Variants in CTNND2 observed in about 807,000 individuals in gnomAD.
CTNND2 encodes catenin delta 2, also known as catenin delta-2.
Under a neutral mutation model 144.4 loss-of-function variants are expected in CTNND2, and 22 were observed. The ratio of observed to expected loss-of-function variants is 0.15; its 90% confidence interval spans 0.11 to 0.22. CTNND2 has a LOEUF of 0.22. Among genes scored for constraint, CTNND2 ranks in the 10% least tolerant of loss-of-function variants. The probability of loss-of-function intolerance (pLI) is 1.00; values close to 1 mark genes in which losing one functional copy is unlikely to be tolerated. For missense variants in CTNND2, 1,353 were observed against 1,618.8 expected (o/e 0.84, Z 2.82); for synonymous variants, 751 against 695.6 (o/e 1.08, Z -1.25).
chr5:11,885,294 T>C (rs1736435448), intron 1 of CTNND2, among the ~76,000 whole-genome samples: 1 of 152,152 alleles, frequency 6.6e-6, no homozygotes, highest in African/African-American at 2.4e-5. Context: ...CCTGAACTCT[T>C]CTGTTTTGGG....
At chr5:11,466,500 T>C (rs1270740749) in intron 3 of CTNND2, among the ~76,000 whole-genome samples, 1 of 152,226 alleles carries the variant, frequency 6.6e-6, no homozygotes, top group African/African-American at 2.4e-5. Context: ...TAGACTATGA[T>C]ATATAACAGA....
chr5:11,510,254 C>G (rs951885487), intron 3 of CTNND2, among the ~76,000 whole-genome samples: 2 of 151,936 alleles, frequency 1.3e-5, no homozygotes, highest in Non-Finnish European at 2.9e-5. Context: ...TTTTTTTAAG[C>G]CCTAAATTTT....
At chr5:11,224,363 C>T (rs1162440759) in intron 10 of CTNND2, among the ~76,000 whole-genome samples, 3 of 152,184 alleles carry the variant, frequency 2.0e-5, no homozygotes, top group African/African-American at 7.2e-5. Context: ...CATATCACAT[C>T]TCTCTTGTGT....
intron 1 of CTNND2, among the ~76,000 whole-genome samples, chr5:11,771,684 CTT>C (rs1789951918): frequency 6.6e-6 from 1 of 152,144 alleles, no homozygotes; most frequent in East Asian, 1.9e-4. Context: ...ACTGTAATAA[CTT>C]TCTATTATCT....
At chr5:11,210,539 G>A (rs1482845383) in intron 10 of CTNND2, among the ~76,000 whole-genome samples, 1 of 152,154 alleles carries the variant, frequency 6.6e-6, no homozygotes. Context: ...TTAGGTGAAT[G>A]GTTACTAATC....
At chr5:11,833,555 GCT>G (rs1794020355) in intron 1 of CTNND2, among the ~76,000 whole-genome samples, 1 of 151,974 alleles carries the variant, frequency 6.6e-6, no homozygotes, top group East Asian at 1.9e-4. Flanking sequence ...ACAGAGTCTT[GCT>G]CTGTCATCTA....
chr5:11,865,308 G>C (rs1795711860), intron 1 of CTNND2, among the ~76,000 whole-genome samples: 1 of 152,144 alleles, frequency 6.6e-6, no homozygotes, highest in Non-Finnish European at 1.5e-5. Context: ...ATATTGCTTG[G>C]AAGTTCTCTT....
chr5:11,583,957 C>T (rs1179529493), intron 2 of CTNND2, among the ~76,000 whole-genome samples: 1 of 152,164 alleles, frequency 6.6e-6, no homozygotes, highest in African/African-American at 2.4e-5. Flanking sequence ...CTTTTTAATT[C>T]TTTTTCATCT....
chr5:11,141,342 G>T (rs1307940231), intron 12 of CTNND2, among the ~76,000 whole-genome samples: 1 of 151,864 alleles, frequency 6.6e-6, no homozygotes, highest in Non-Finnish European at 1.5e-5. Context: ...TAATAGAAAA[G>T]GTCAGAGTAA....
chr5:11,653,497 C>T (rs1162526351), intron 2 of CTNND2, among the ~76,000 whole-genome samples: 1 of 151,988 alleles, frequency 6.6e-6, no homozygotes, highest in African/African-American at 2.4e-5. Context: ...TGTTATTTAG[C>T]CCTTTTTATA....
At chr5:11,263,083 C>T (rs26456) in intron 9 of CTNND2, among the ~76,000 whole-genome samples, 24,030 of 152,126 alleles carry the variant, frequency 0.16, 2,107 homozygotes, top group African/African-American at 0.22. Flanking sequence ...CCTTGGATTG[C>T]AGAGCCATCA....
chr5:11,039,324 A>G (rs1744427730), intron 16 of CTNND2, among the ~76,000 whole-genome samples: 1 of 152,234 alleles, frequency 6.6e-6, no homozygotes, highest in Admixed American at 6.5e-5. Context: ...TTTTAAATGT[A>G]GACGGCTGGT....
intron 10 of CTNND2, among the ~76,000 whole-genome samples, chr5:11,234,394 T>C (rs534061574): frequency 7.2e-5 from 11 of 152,366 alleles, no homozygotes; most frequent in Middle Eastern, 6.8e-3. Flanking sequence ...TTGCAAAGAT[T>C]CTACAGAGAA....
At chr5:11,477,129 C>T (rs952053163) in intron 3 of CTNND2, among the ~76,000 whole-genome samples, 16 of 152,170 alleles carry the variant, frequency 1.1e-4, no homozygotes, top group Non-Finnish European at 1.5e-4. Flanking sequence ...CATTGCTTTA[C>T]GGGCAGGTCT....
chr5:11,429,904 A>T (rs1340944658), intron 3 of CTNND2, among the ~76,000 whole-genome samples: 13 of 152,068 alleles, frequency 8.5e-5, no homozygotes. Context: ...AACAAATGTA[A>T]TTTTTGTTTC....
chr5:11,176,056 G>A (rs1760449975), intron 11 of CTNND2, among the ~76,000 whole-genome samples: 1 of 152,188 alleles, frequency 6.6e-6, no homozygotes, highest in South Asian at 2.1e-4. Context: ...GTTGGGTCAT[G>A]CATGGGAATG....
intron 9 of CTNND2, among the ~76,000 whole-genome samples, chr5:11,297,572 A>G (rs564121899): frequency 4.6e-5 from 7 of 152,354 alleles, no homozygotes; most frequent in Admixed American, 2.6e-4. Flanking sequence ...CTCTAAATGA[A>G]TACTTAAAGG....
intron 1 of CTNND2, among the ~76,000 whole-genome samples, chr5:11,878,529 G>C (rs973147834): frequency 6.6e-6 from 1 of 152,182 alleles, no homozygotes; most frequent in Non-Finnish European, 1.5e-5. Context: ...CTATACCCCA[G>C]ATCTCAAACT....
At chr5:10,974,294 C>T (rs1178543964) in intron 21 of CTNND2, among the ~76,000 whole-genome samples, 2 of 152,178 alleles carry the variant, frequency 1.3e-5, no homozygotes, top group Admixed American at 1.3e-4. Flanking sequence ...GAATAATATT[C>T]CACTGTATGA....
Sources: gnomAD v4.1 joint callset for allele counts (sites outside exome capture counted in the v4.1 genomes callset) on GRCh38, gnomAD v4.1.1 for gene constraint, MANE v1.5 for transcripts, NCBI Gene and HGNC (gene_info 2026-07-23, HGNC 2026-07-21) for gene names.